The following SLC25A48 variants were observed in gnomAD, a reference collection of about 807,000 sequenced individuals.
SLC25A48 encodes CTC-321K16.1.
A neutral mutation model predicts 32.2 loss-of-function variants in SLC25A48; 29 were observed. The observed-to-expected ratio is 0.90, with a 90% confidence interval of 0.67 to 1.23. The LOEUF (loss-of-function observed/expected upper bound fraction) is 1.23. Among genes scored for constraint, SLC25A48 ranks in the 50% most tolerant of loss-of-function variants. The pLI is 0.00. For synonymous variants in SLC25A48, 164 were observed against 172.3 expected (o/e 0.95, Z 0.38); for missense variants, 399 against 422.7 (o/e 0.94, Z 0.49).
chr5:135,793,111 G>T (rs981672069), intron 3 of SLC25A48, among the ~76,000 whole-genome samples: 2 of 151,354 alleles, frequency 1.3e-5, no homozygotes, highest in African/African-American at 2.4e-5. Context: ...ATCACAGTAA[G>T]TGTACACCAT....
chr5:135,878,874 C>A (rs1456023635), intron 6 of SLC25A48, among the ~76,000 whole-genome samples: 2 of 152,154 alleles, frequency 1.3e-5, no homozygotes, highest in Non-Finnish European at 2.9e-5. Flanking sequence ...CAGCTCCTCC[C>A]CACAATCCCC....
At chr5:135,600,037 C>T (rs1439671107) in intron 1 of SLC25A48, among the ~76,000 whole-genome samples, 2 of 152,100 alleles carry the variant, frequency 1.3e-5, no homozygotes, top group African/African-American at 2.4e-5. Flanking sequence ...CCCCTTGGGG[C>T]TCAATATCTC....
At chr5:135,689,918 TG>T in intron 3 of SLC25A48, among the ~76,000 whole-genome samples, 1 of 152,370 alleles carries the variant, frequency 6.6e-6, no homozygotes, top group South Asian at 2.1e-4. Context: ...ACATAGTTGC[TG>T]TCCTTGAGGA....
At chr5:135,696,217 T>C (rs1754263648) in intron 3 of SLC25A48, among the ~76,000 whole-genome samples, 1 of 152,152 alleles carries the variant, frequency 6.6e-6, no homozygotes, top group Non-Finnish European at 1.5e-5. Flanking sequence ...AGGGACCAGA[T>C]TGACTTGGTG....
intron 3 of SLC25A48, among the ~76,000 whole-genome samples, chr5:135,808,443 A>G (rs999814548): frequency 1.3e-5 from 2 of 152,076 alleles, no homozygotes; most frequent in African/African-American, 2.4e-5. Flanking sequence ...ACACAAAAAA[A>G]CTTTTTTTCC....
In SLC25A48 at chr5:135,610,000, AT is replaced by A. The variant is rs531062687; in HGVS notation, c.-848-19236del. On this transcript the variant is annotated intron_variant, in intron 1 of 10. Transcript: ENST00000646290. ...TAAGCTCACTTTTATAAAAATATGT[AT>A]ACTTATTTAAAGTAAATGTTTGTAG... is the stretch of plus-strand genomic sequence containing the variant. Among the ~76,000 whole-genome samples, 193 of 152,334 alleles carry A rather than the reference AT, an allele frequency of 1.3e-3. 1 individual carries two copies. The highest frequency in any genetic ancestry group is 4.2e-3 in the African/African-American group (173 of 41,568).
chr5:135,700,333 C>G (rs371774352), intron 3 of SLC25A48, among the ~76,000 whole-genome samples: 1 of 131,108 alleles, frequency 7.6e-6, no homozygotes, highest in African/African-American at 3.0e-5. Flanking sequence ...GATCATGCCA[C>G]TGCACTCTAG....
In SLC25A48 at chr5:135,633,880, A is replaced by AT. The variant is rs557585749; in HGVS notation, c.-708-881dup. The stretch of plus-strand genomic sequence containing the variant: ...TCTGCATAAATATTGTGATCTTTAA[A>AT]TTTTTTTTAACTTAATTTAAATCTT... On this transcript the variant is annotated intron_variant, in intron 2 of 10. Coordinates refer to the SLC25A48 transcript ENST00000646290. 3.9e-5 allele frequency among the ~76,000 whole-genome samples: 6 copies of AT among 152,222 alleles called. No individual in the cohort carries two copies. In the South Asian group the frequency reaches 6.2e-4, roughly 16 times the overall value.
At chr5:135,879,379 C>T (rs949958630) in intron 6 of SLC25A48, among the ~76,000 whole-genome samples, 1 of 152,134 alleles carries the variant, frequency 6.6e-6, no homozygotes, top group Non-Finnish European at 1.5e-5. Context: ...CCGCCCCTTA[C>T]AGTCGGGAAA....
intron 3 of SLC25A48, among the ~76,000 whole-genome samples, chr5:135,789,700 G>A (rs1260415098): frequency 1.3e-5 from 2 of 150,990 alleles, no homozygotes; most frequent in African/African-American, 2.4e-5. Context: ...TGGCAGGGGG[G>A]TGTACACCCT....
intron 3 of SLC25A48, among the ~76,000 whole-genome samples, chr5:135,715,927 G>A (rs1393876208): frequency 6.6e-6 from 1 of 152,190 alleles, no homozygotes; most frequent in Non-Finnish European, 1.5e-5. Context: ...TCTCTGGGCT[G>A]TGGGGCTCCA....
intron 3 of SLC25A48, among the ~76,000 whole-genome samples, chr5:135,778,571 G>C (rs535211266): frequency 1.2e-3 from 178 of 150,826 alleles, no homozygotes; most frequent in African/African-American, 3.9e-3. Context: ...TTTAGAAGGA[G>C]ACAGGATAAT....
chr5:135,680,620 C>A (rs1753873436), intron 3 of SLC25A48, among the ~76,000 whole-genome samples: 1 of 152,172 alleles, frequency 6.6e-6, no homozygotes, highest in Non-Finnish European at 1.5e-5. Flanking sequence ...TACATAGTGT[C>A]AGGCAAGAGA....
At chr5:135,839,524 T>G (rs1758819333) in intron 1 of SLC25A48, among the ~76,000 whole-genome samples, 1 of 152,226 alleles carries the variant, frequency 6.6e-6, no homozygotes, top group Non-Finnish European at 1.5e-5. Context: ...TGGAAGGGAC[T>G]TGCCTTGTCT....
intron 4 of SLC25A48, among the ~76,000 whole-genome samples, chr5:135,854,238 A>T (rs1251807857): frequency 3.3e-5 from 5 of 152,218 alleles, no homozygotes; most frequent in African/African-American, 4.8e-5. Context: ...GGTTCAACTT[A>T]AAGTCACCAG....
chr5:135,651,689 CT>C (rs1018774965), intron 3 of SLC25A48, among the ~76,000 whole-genome samples: 27 of 152,304 alleles, frequency 1.8e-4, no homozygotes, highest in African/African-American at 6.5e-4. Context: ...TCATATTAAA[CT>C]TTTTTTCTGT....
At chr5:135,790,152 T>C (rs1171225382) in intron 3 of SLC25A48, among the ~76,000 whole-genome samples, 1 of 151,666 alleles carries the variant, frequency 6.6e-6, no homozygotes, top group Non-Finnish European at 1.5e-5. Flanking sequence ...TTATTTTTCA[T>C]AATAGTTATT....
intron 3 of SLC25A48, among the ~76,000 whole-genome samples, chr5:135,682,424 T>C (rs940584350): frequency 6.6e-6 from 1 of 152,166 alleles, no homozygotes; most frequent in Non-Finnish European, 1.5e-5. Flanking sequence ...TTAGGTAAGA[T>C]TGGTATAAGT....
chr5:135,740,795 G>A (rs2126999919), intron 3 of SLC25A48, among the ~76,000 whole-genome samples: 1 of 152,316 alleles, frequency 6.6e-6, no homozygotes, highest in African/African-American at 2.4e-5. Flanking sequence ...GCCCTGCTCA[G>A]CTGGAATTGT....
Sources: gnomAD v4.1 joint callset for allele counts (sites outside exome capture counted in the v4.1 genomes callset) on GRCh38, gnomAD v4.1.1 for gene constraint, MANE v1.5 for transcripts, NCBI Gene and HGNC (gene_info 2026-07-23, HGNC 2026-07-21) for gene names.